Variants in STRIP2 observed in about 807,000 individuals in gnomAD.
STRIP2 encodes striatin-interacting protein 2.
STRIP2 carries 84 observed loss-of-function variants against 107.1 expected under a neutral mutation model. The observed-to-expected ratio is 0.78, with a 90% CI of 0.66 to 0.94. STRIP2 has a LOEUF of 0.94. Ranked by LOEUF, STRIP2 falls within the 40% of genes least tolerant of loss-of-function variation. The pLI, the probability that STRIP2 is intolerant of heterozygous loss-of-function variation, is 0.00. For missense variants in STRIP2, 888 were observed against 1,034.2 expected, an observed-to-expected ratio of 0.86 and a Z score of 1.94; for synonymous variants, 394 against 400.4, an observed-to-expected ratio of 0.98 and a Z score of 0.19.
rs768445796 is a variant in STRIP2, at chr7:129,458,216, A to C, written c.1040A>C (p.Gln347Pro). 1 of 1,613,560 alleles carries C rather than the reference A, an allele frequency of 6.2e-7. No homozygotes were observed. Among genetic ancestry groups the C allele is most frequent in the Non-Finnish European group, 8.5e-7 (1 of 1,179,514 alleles). ...TACCCTCCCTTCTTTCCCCTCCAGC[A>C]ACTCCTCACTAAGCAGGACAGCCTG... is the stretch of plus-strand genomic sequence containing the variant. The part of the protein sequence containing the change: ...KLRGRRGSRR[Q>P]LLTKQDSLDI... The change falls in exon 10 of 21, where the codon CAA becomes CCA. Residue 347 changes from glutamine to proline, a missense_variant and splice_region_variant. Transcript: ENST00000249344. The surrounding 1 kb of genome is among the most constrained non-coding windows in gnomAD (Gnocchi z 4.6).
rs1217817157 is a variant in STRIP2, at chr7:129,465,481, C to T, written c.1776+743C>T. Among the ~76,000 whole-genome samples the T allele has an allele frequency of 1.3e-5, 2 of 152,150 alleles. 1 individual carries two copies. Among genetic ancestry groups the T allele is most frequent in the Non-Finnish European group, 2.9e-5 (2 of 68,034 alleles). ...TGGGGCGGGGAAAGATGGGCATGGT[C>T]TGGTGACACAGGAAGCTGGAGGAAT... On this transcript the variant is annotated intron_variant, in intron 16 of 20. Coordinates refer to ENST00000249344, the MANE Select transcript of STRIP2 (RefSeq NM_020704.3).
chr7:129,463,100 A>C (rs887049590), intron 14 of STRIP2, 60 bp downstream of exon 14: 25 of 1,437,160 alleles, frequency 1.7e-5, no homozygotes, highest in African/African-American at 2.8e-5. Flanking sequence ...ACAGCTAAAA[A>C]CCATTTCAAG....
At chr7:129,451,569 G>A in intron 3 of STRIP2, 44 bp from the exon 4 acceptor site, 1 of 1,608,938 alleles carries the variant, frequency 6.2e-7, no homozygotes, top group African/African-American at 1.3e-5. Flanking sequence ...TCCAGGAAGG[G>A]TGGCAATAGC....
At position 129,456,474 on chromosome 7, in the gene STRIP2, C is replaced by CA; in HGVS notation, c.873dup (p.Val292SerfsTer14). On this transcript the variant is annotated frameshift_variant, in exon 9 of 21. Coordinates refer to ENST00000249344, the MANE Select transcript of STRIP2 (RefSeq NM_020704.3). LOFTEE classifies it high-confidence loss of function. ...GTGGATTTGAGCATCTGCAGACTCT[C>CA]AAAGTACAGAAGCGGGCAGAATTGG... is the stretch of plus-strand genomic sequence containing the variant. The CA allele has an allele frequency of 6.2e-7, 1 of 1,614,012 alleles. No homozygotes were observed. Among genetic ancestry groups the CA allele is most frequent in the Non-Finnish European group, 8.5e-7 (1 of 1,179,994 alleles).
rs183363187 is a variant in STRIP2 at position 129,453,373 on chromosome 7, G to T, written c.530+26G>T. 2.8e-5 allele frequency: 45 copies of T among 1,613,520 alleles called. No individual in the cohort carries two copies. The Admixed American group carries it at 7.3e-4, about 26-fold the overall frequency. On this transcript the variant is annotated intron_variant, in intron 5 of 20. Coordinates refer to ENST00000249344, the MANE Select transcript of STRIP2 (RefSeq NM_020704.3). ...GTGAGAAGCCTTAGGGGAAGGGCTG[G>T]CCTACATAACCCCCATTCCTTAAAG...
At position 129,488,309 on chromosome 7, in the gene STRIP2, G is replaced by C. The variant is rs1401187271; in HGVS notation, c.*2480G>C. ...TGACTTACAGAGGATTTTTATTTGT[G>C]AATATTTCAGTAAAGTTTGTGTTGA... On this transcript the variant is annotated 3_prime_UTR_variant, in exon 21 of 21. Transcript: ENST00000249344. The C allele has an allele frequency of 1.3e-5, 2 of 152,598 alleles. No individual in the cohort carries two copies. The highest frequency in any genetic ancestry group is 1.3e-4 in the Admixed American group (2 of 15,278). The allele number at this position is 152,598 out of a possible 1,614,324, so 9.5% of individuals were successfully genotyped here. A position where few individuals can be genotyped will look rare whatever the true frequency, so the allele number is the denominator to read the frequency against.
intron 3 of STRIP2, among the ~76,000 whole-genome samples, chr7:129,444,627 C>T (rs191087250): frequency 2.4e-4 from 36 of 152,314 alleles, no homozygotes; most frequent in Non-Finnish European, 5.0e-4. Context: ...CAAGTTGACT[C>T]ACAGTATTAA....
chr7:129,449,799 C>T (rs959524714), intron 3 of STRIP2, among the ~76,000 whole-genome samples: 3 of 152,210 alleles, frequency 2.0e-5, no homozygotes, highest in Admixed American at 2.0e-4. Flanking sequence ...TCAGCTCTTT[C>T]TCTGCAGGAG....
chr7:129,455,148 A>G, intron 7 of STRIP2, 96 bp from the exon 8 acceptor site: 1 of 1,422,028 alleles, frequency 7.0e-7, no homozygotes, highest in Non-Finnish European at 9.5e-7. Flanking sequence ...AGGGGAGGTG[A>G]GTGCCTTCCT....
At chr7:129,455,139 G>T (rs1199369415) in intron 7 of STRIP2, 105 bp from the exon 8 acceptor site, 7 of 1,368,966 alleles carry the variant, frequency 5.1e-6, no homozygotes, top group Non-Finnish European at 6.9e-6. Context: ...GTATTCTTCA[G>T]GGGAGGTGAG....
chr7:129,449,387 C>G (rs193141485), intron 3 of STRIP2, among the ~76,000 whole-genome samples: 1 of 152,294 alleles, frequency 6.6e-6, no homozygotes, highest in Non-Finnish European at 1.5e-5. Context: ...TAGAACCAAA[C>G]AAAGGTGTTG....
chr7:129,456,237 A>G (rs1432398635), intron 8 of STRIP2, among the ~76,000 whole-genome samples: 2 of 136,280 alleles, frequency 1.5e-5, no homozygotes, highest in Admixed American at 9.0e-5. Flanking sequence ...ATAATGCCTT[A>G]TCCTGACCCC....
intron 16 of STRIP2, among the ~76,000 whole-genome samples, chr7:129,465,825 T>G (rs1055197684): frequency 6.6e-6 from 1 of 152,092 alleles, no homozygotes; most frequent in Non-Finnish European, 1.5e-5. Context: ...AAGGAATGCT[T>G]CTCATTTTTG....
intron 7 of STRIP2, 135 bp from the exon 8 acceptor site, chr7:129,455,109 T>C: frequency 8.8e-7 from 1 of 1,134,300 alleles, no homozygotes; most frequent in South Asian, 1.7e-5. Flanking sequence ...TAAGCCTCCT[T>C]CTCAGGACCA....
chr7:129,445,193 G>A (rs1474255429), intron 3 of STRIP2, among the ~76,000 whole-genome samples: 2 of 152,054 alleles, frequency 1.3e-5, no homozygotes, highest in African/African-American at 2.4e-5. Context: ...ACTAAGAGAC[G>A]CCCTAATGGA....
intron 11 of STRIP2, 110 bp from the exon 12 acceptor site, chr7:129,459,407 G>T (rs1798463713): frequency 2.2e-6 from 2 of 899,012 alleles, no homozygotes; most frequent in East Asian, 4.8e-5. Flanking sequence ...GGGTACTGGG[G>T]GTAGATGTTG....
At chr7:129,455,096 G>A (rs1562902236) in intron 7 of STRIP2, 148 bp from the exon 8 acceptor site, 3 of 986,824 alleles carry the variant, frequency 3.0e-6, no homozygotes, top group South Asian at 2.0e-5. Flanking sequence ...TCCTTCTGGG[G>A]GCTAAGCCTC....
rs574976107 is a variant in STRIP2, at chr7:129,479,087, C to T, written c.1945-1698C>T. 5.9e-5 allele frequency among the ~76,000 whole-genome samples: 9 copies of T among 152,164 alleles called. 1 individual carries two copies. The highest frequency in any genetic ancestry group is 1.9e-4 in the African/African-American group (8 of 41,516). ...GTTGGGAGTTCAAGACCAGCCTGAC[C>T]AACATGGAGAAACCCCATCTCTACC... On this transcript the variant is annotated intron_variant, in intron 18 of 20. Coordinates refer to ENST00000249344, the MANE Select transcript of STRIP2 (RefSeq NM_020704.3).
intron 11 of STRIP2, 141 bp from the exon 12 acceptor site, chr7:129,459,376 G>A (rs906369572): frequency 3.0e-5 from 21 of 692,292 alleles, no homozygotes; most frequent in Non-Finnish European, 5.0e-5. Context: ...TGGGACCTAC[G>A]AGCTTGCAGA....
Sources: gnomAD v4.1 joint callset for allele counts (sites outside exome capture counted in the v4.1 genomes callset) on GRCh38, gnomAD v4.1.1 for gene constraint, Gnocchi (gnomAD v3.1) non-coding constraint, MANE v1.5 for transcripts, NCBI Gene and HGNC (gene_info 2026-07-23, HGNC 2026-07-21) for gene names.